The following ITPR2 variants were observed in gnomAD, a reference collection of about 807,000 sequenced individuals.
ITPR2 encodes the protein inositol 1,4,5-trisphosphate-gated calcium channel ITPR2.
ITPR2 carries 207 observed loss-of-function variants against 317.1 expected under a neutral mutation model. The ratio of observed to expected loss-of-function variants is 0.65; its 90% CI spans 0.58 to 0.73. ITPR2 has a LOEUF of 0.73. Among genes scored for constraint, ITPR2 ranks in the 30% least tolerant of loss-of-function variants. ITPR2 has a pLI of 0.00. For missense variants in ITPR2, 2,613 were observed against 3,284.0 expected (o/e 0.80, Z 4.99); for synonymous variants, 1,156 against 1,149.1 (o/e 1.01, Z -0.12).
intron 34 of ITPR2, among the ~76,000 whole-genome samples, chr12:26,565,122 G>T (rs755224829): frequency 6.6e-6 from 1 of 152,062 alleles, no homozygotes; most frequent in Non-Finnish European, 1.5e-5. Context: ...TTCAAAATAC[G>T]TAAAGGCTCA....
At chr12:26,340,029 G>C (rs1938053086) in intron 56 of ITPR2, 138 bp downstream of exon 56, 1 of 757,252 alleles carries the variant, frequency 1.3e-6, no homozygotes, top group Non-Finnish European at 2.0e-6. Context: ...TGGTTCTACA[G>C]TACAACGTGA....
At chr12:26,589,817 TAA>T (rs1565624248) in intron 32 of ITPR2, among the ~76,000 whole-genome samples, 1,233 of 32,922 alleles carry the variant, frequency 0.037, 170 homozygotes, top group Middle Eastern at 0.08. Context: ...AAAAAATAAA[TAA>T]ATAAATAAAT....
At chr12:26,643,150 G>A (rs1203431387) in intron 21 of ITPR2, among the ~76,000 whole-genome samples, 4 of 152,086 alleles carry the variant, frequency 2.6e-5, no homozygotes, top group African/African-American at 9.7e-5. Context: ...GATCCAAAAA[G>A]CAGACCCCCA....
At chr12:26,564,621 AG>A (rs762990981) in intron 34 of ITPR2, among the ~76,000 whole-genome samples, 2 of 152,224 alleles carry the variant, frequency 1.3e-5, no homozygotes, top group Non-Finnish European at 2.9e-5. Flanking sequence ...CCTTATAAGA[AG>A]GGAAGGAGAG....
chr12:26,828,429 T>TA (rs1015992787), intron 1 of ITPR2, among the ~76,000 whole-genome samples: 1 of 152,214 alleles, frequency 6.6e-6, no homozygotes, highest in Non-Finnish European at 1.5e-5. Flanking sequence ...CCATGAGTTT[T>TA]ATAATTCCTA....
At chr12:26,620,113 C>G (rs1023699091) in intron 26 of ITPR2, among the ~76,000 whole-genome samples, 1 of 152,198 alleles carries the variant, frequency 6.6e-6, no homozygotes, top group Admixed American at 6.5e-5. Flanking sequence ...CTCAAATTCC[C>G]CTATAGCTGA....
intron 48 of ITPR2, among the ~76,000 whole-genome samples, chr12:26,436,010 GC>G (rs1358729692): frequency 6.6e-6 from 1 of 152,086 alleles, no homozygotes; most frequent in Non-Finnish European, 1.5e-5. Context: ...ATATAATATA[GC>G]TCTAATAACA....
At chr12:26,725,487 C>T (rs1948904215) in intron 3 of ITPR2, among the ~76,000 whole-genome samples, 163 bp downstream of exon 3, 1 of 152,200 alleles carries the variant, frequency 6.6e-6, no homozygotes, top group South Asian at 2.1e-4. Flanking sequence ...TAGATGGTCA[C>T]ACCCTATTAC....
intron 32 of ITPR2, among the ~76,000 whole-genome samples, chr12:26,591,842 A>AT (rs1393408054): frequency 6.6e-6 from 1 of 151,940 alleles, no homozygotes; most frequent in Non-Finnish European, 1.5e-5. Flanking sequence ...TCTCAAAAAA[A>AT]AAAAAGCAAC....
At chr12:26,411,154 G>A in intron 52 of ITPR2, 166 bp downstream of exon 52, 1 of 569,598 alleles carries the variant, frequency 1.8e-6, no homozygotes, top group Non-Finnish European at 3.1e-6. Context: ...TGACCAATGT[G>A]GGAATCCTTT....
At chr12:26,455,143 G>A (rs189051493) in intron 45 of ITPR2, among the ~76,000 whole-genome samples, 12 of 151,940 alleles carry the variant, frequency 7.9e-5, no homozygotes, top group East Asian at 5.8e-4. Context: ...TCTGAAGTGC[G>A]CAAATTAGCC....
At chr12:26,772,491 C>CATGTTATATATATAATAT (rs3064583) in intron 2 of ITPR2, among the ~76,000 whole-genome samples, 5 of 100,518 alleles carry the variant, frequency 5.0e-5, no homozygotes, top group Non-Finnish European at 1.1e-4. Context: ...ATATATAATA[C>CATGTTATATATATAATAT]ATATAATACA....
At chr12:26,344,335 T>C (rs1316654794) in intron 55 of ITPR2, among the ~76,000 whole-genome samples, 2 of 152,094 alleles carry the variant, frequency 1.3e-5, no homozygotes, top group African/African-American at 4.8e-5. Context: ...AGAGGGGTTG[T>C]TGGGGCAGGG....
In ITPR2 at chr12:26,411,364, C is replaced by A; in HGVS notation, c.7355G>T (p.Cys2452Phe). The A allele has an allele frequency of 6.2e-7, 1 of 1,613,682 alleles. No individual in the cohort carries two copies. The highest frequency in any genetic ancestry group is 8.5e-7 in the Non-Finnish European group (1 of 1,179,758). Residue 2452 changes from cysteine (C) to phenylalanine (F), a missense_variant, in exon 52 of 57, where the codon TGT becomes TTT. Physicochemically the swap from Cys to Phe is radical, Grantham distance 205. Transcript: ENST00000381340. ...TGTGGGTGAACAGTTCTCCTTGGCA[C>A]ATGCTTCCATCATGGTAGTTAAAGT... Reference protein sequence around the residue: ...TMTLTTMMEACAKENCSPTIP... With the variant: ...TMTLTTMMEAFAKENCSPTIP...
chr12:26,438,553 G>T (rs1306190321), intron 47 of ITPR2, among the ~76,000 whole-genome samples: 1 of 152,104 alleles, frequency 6.6e-6, no homozygotes, highest in African/African-American at 2.4e-5. Context: ...CCTAATAGAC[G>T]TGGGACCTAA....
intron 34 of ITPR2, among the ~76,000 whole-genome samples, chr12:26,577,061 C>T (rs761839525): frequency 2.0e-5 from 3 of 152,254 alleles, no homozygotes; most frequent in Non-Finnish European, 2.9e-5. Context: ...CAAGATGGCC[C>T]TCACCAGATG....
At chr12:26,569,833 TC>T (rs1265686159) in intron 34 of ITPR2, among the ~76,000 whole-genome samples, 1 of 152,158 alleles carries the variant, frequency 6.6e-6, no homozygotes, top group Non-Finnish European at 1.5e-5. Flanking sequence ...AAAGACATTC[TC>T]CTACATTGCT....
chr12:26,628,176 T>G lies in ITPR2; in HGVS notation c.2935-14A>C. On this transcript the variant is annotated splice_polypyrimidine_tract_variant and intron_variant, in intron 22 of 56. Coordinates refer to ENST00000381340, the MANE Select transcript of ITPR2 (RefSeq NM_002223.4). ...ACTCAGGATAAACTATAAGAAACAT[T>G]AAGAACAACATAAATTTCTTTCATT... The G allele has an allele frequency of 6.4e-7, 1 of 1,574,286 alleles. No individual in the cohort carries two copies. The highest frequency in any genetic ancestry group is 1.2e-5 in the South Asian group (1 of 85,974).
At chr12:26,518,134 T>C (rs914728427) in intron 37 of ITPR2, among the ~76,000 whole-genome samples, 1 of 152,162 alleles carries the variant, frequency 6.6e-6, no homozygotes, top group African/African-American at 2.4e-5. Context: ...CCATCAACAG[T>C]GGAATGGATA....
Sources: gnomAD v4.1 joint callset for allele counts (sites outside exome capture counted in the v4.1 genomes callset) on GRCh38, gnomAD v4.1.1 for gene constraint, MANE v1.5 for transcripts, NCBI Gene and HGNC (gene_info 2026-07-23, HGNC 2026-07-21) for gene names.